The following TLK1 variants were observed in gnomAD, a reference collection of about 807,000 sequenced individuals.
TLK1 encodes serine/threonine-protein kinase tousled-like 1.
TLK1 carries 24 observed loss-of-function variants against 105.3 expected under a neutral mutation model. The ratio of observed to expected loss-of-function variants is 0.23; its 90% CI spans 0.17 to 0.32. The LOEUF (loss-of-function observed/expected upper bound fraction) is 0.32. Among genes scored for constraint, TLK1 ranks in the 10% least tolerant of loss-of-function variants. TLK1 has a pLI of 1.00. For missense variants in TLK1, 558 were observed against 910.5 expected (o/e 0.61, Z 4.98); for synonymous variants, 321 against 310.4 (o/e 1.03, Z -0.36).
chr2:171,055,306 CA>C, intron 6 of TLK1, 134 bp from the exon 7 acceptor site: 1 of 563,134 alleles, frequency 1.8e-6, no homozygotes. Context: ...TAAATTGAAA[CA>C]TAATTGACTT....
chr2:171,162,716 A>G (rs1286557932), upstream of TLK1, among the ~76,000 whole-genome samples: 2 of 152,074 alleles, frequency 1.3e-5, no homozygotes, highest in African/African-American at 4.8e-5. Context: ...TTTCTGTCAT[A>G]TGGGTAGCTT....
At chr2:171,040,455 T>C (rs1686608688) in intron 11 of TLK1, among the ~76,000 whole-genome samples, 1 of 152,206 alleles carries the variant, frequency 6.6e-6, no homozygotes, top group South Asian at 2.1e-4. Context: ...CTGTACTTTC[T>C]GCTCAATTCT....
At chr2:171,148,355 G>C (rs114947887) in intron 1 of TLK1, among the ~76,000 whole-genome samples, 2 of 151,712 alleles carry the variant, frequency 1.3e-5, no homozygotes, top group African/African-American at 4.8e-5. Flanking sequence ...TGTGGTATAG[G>C]GATTAGAAGT....
At chr2:171,152,279 A>C (rs1447753032) in intron 1 of TLK1, among the ~76,000 whole-genome samples, 1 of 152,254 alleles carries the variant, frequency 6.6e-6, no homozygotes, top group African/African-American at 2.4e-5. Flanking sequence ...GAATCTATGT[A>C]GAATATAATC....
At chr2:171,222,428 T>C (rs995607652) in intron 1 of TLK1, among the ~76,000 whole-genome samples, 2 of 152,104 alleles carry the variant, frequency 1.3e-5, no homozygotes, top group African/African-American at 4.8e-5. Context: ...ATCCCCAGGC[T>C]CAAGCCATCC....
At chr2:171,038,617 T>C (rs933756824) in intron 11 of TLK1, among the ~76,000 whole-genome samples, 5 of 152,192 alleles carry the variant, frequency 3.3e-5, no homozygotes, top group African/African-American at 9.6e-5. Flanking sequence ...TTCTAGCTAA[T>C]TGCATTGTGG....
chr2:171,117,770 C>T lies in TLK1; in HGVS notation c.227G>A (p.Gly76Glu), dbSNP rs1261501349. The part of the protein sequence containing the change: ...RFTGVASGST[G>E]STGSCSVGAK... ...TCCAACACTGCAACTGCCCGTACTTCCAGTGCTCCCACTTGCAACTCCAGT... is the reference window on the plus strand; with the variant it reads ...TCCAACACTGCAACTGCCCGTACTTTCAGTGCTCCCACTTGCAACTCCAGT... The change falls in exon 2 of 21, where the codon GGA becomes GAA. Residue 76 changes from glycine (G) to glutamate (E), a missense_variant. Transcript: ENST00000431350. The T allele has an allele frequency of 6.2e-7, 1 of 1,613,956 alleles. No homozygotes were observed. The highest frequency in any genetic ancestry group is 2.2e-5 in the East Asian group (1 of 44,862).
chr2:171,101,793 A>G (rs943939942), intron 2 of TLK1, among the ~76,000 whole-genome samples: 3 of 152,222 alleles, frequency 2.0e-5, no homozygotes, highest in Non-Finnish European at 4.4e-5. Flanking sequence ...CTTCAAAAGA[A>G]TAGGTTTTTT....
At chr2:171,197,428 T>C (rs1162964130) in intron 1 of TLK1, among the ~76,000 whole-genome samples, 2 of 152,122 alleles carry the variant, frequency 1.3e-5, no homozygotes, top group Non-Finnish European at 1.5e-5. Flanking sequence ...AAACATTCAA[T>C]AGTATTCAAT....
intron 1 of TLK1, among the ~76,000 whole-genome samples, chr2:171,147,615 G>T (rs1456528826): frequency 6.6e-6 from 1 of 152,140 alleles, no homozygotes. Flanking sequence ...CTCTGTTTAT[G>T]TGGCAAAGAA....
At chr2:171,097,394 C>T (rs1396263570) in intron 2 of TLK1, among the ~76,000 whole-genome samples, 2 of 152,132 alleles carry the variant, frequency 1.3e-5, no homozygotes, top group East Asian at 1.9e-4. Flanking sequence ...GGAAAAAAAG[C>T]TTGTTGACAT....
Position 171,028,364 on chromosome 2 carries a change from T to C in TLK1, c.1211A>G (p.Lys404Arg), listed in dbSNP as rs1685878724. ...AEYHEQEEIFKLRLGHLKKEE... is the reference protein window; with the variant it reads ...AEYHEQEEIFRLRLGHLKKEE... The stretch of plus-strand genomic sequence containing the variant: ...CTTTTTGAGATGTCCTAGTCTAAGT[T>C]TGAAAATTTCTTCCTGTTCATGATA... The change falls in exon 12 of 21, where the codon AAA becomes AGA. Residue 404 changes from lysine (K) to arginine (R), a missense_variant. Lys to Arg is a conservative substitution (Grantham distance 26). Coordinates refer to ENST00000431350, the MANE Select transcript of TLK1 (RefSeq NM_012290.5). The C allele has an allele frequency of 8.7e-6, 14 of 1,610,768 alleles. No individual in the cohort carries two copies. Among genetic ancestry groups the C allele is most frequent in the Middle Eastern group, 1.6e-4 (1 of 6,068 alleles).
At chr2:171,165,205 T>C (rs770436707), upstream of TLK1, among the ~76,000 whole-genome samples, 2 of 152,212 alleles carry the variant, frequency 1.3e-5, no homozygotes, top group Admixed American at 6.5e-5. Flanking sequence ...GTAGTAAACC[T>C]GCCTAGAAAG....
intron 1 of TLK1, among the ~76,000 whole-genome samples, chr2:171,175,670 A>G (rs1692807611): frequency 6.6e-6 from 1 of 152,118 alleles, no homozygotes; most frequent in South Asian, 2.1e-4. Context: ...GTTACCTCTC[A>G]GTCTTTATCT....
chr2:171,151,470 CTTT>C (rs55670860), intron 1 of TLK1, among the ~76,000 whole-genome samples: 52 of 124,260 alleles, frequency 4.2e-4, no homozygotes, highest in African/African-American at 9.9e-4. Context: ...ATATGTGTAT[CTTT>C]TTTTTTTTTT....
intron 10 of TLK1, among the ~76,000 whole-genome samples, chr2:171,049,212 C>T (rs1461691100): frequency 6.6e-6 from 1 of 152,022 alleles, no homozygotes; most frequent in Non-Finnish European, 1.5e-5. Context: ...CAATTGTACC[C>T]CGAACCTCAG....
intron 12 of TLK1, among the ~76,000 whole-genome samples, chr2:171,023,573 A>T (rs975509470): frequency 6.6e-6 from 1 of 152,182 alleles, no homozygotes; most frequent in African/African-American, 2.4e-5. Context: ...TGAAGACAAG[A>T]AAATAAAGAG....
At chr2:171,072,009 T>C (rs985213158) in intron 3 of TLK1, among the ~76,000 whole-genome samples, 2 of 152,232 alleles carry the variant, frequency 1.3e-5, no homozygotes, top group Admixed American at 1.3e-4. Flanking sequence ...AGCTTTGTAG[T>C]ATAATTTGAA....
At chr2:171,066,998 A>G in intron 3 of TLK1, 2 of 1,508,592 alleles carry the variant, frequency 1.3e-6, no homozygotes, top group Non-Finnish European at 1.8e-6. Flanking sequence ...CTGTGGTCTC[A>G]CAACTTTTGA....
Sources: gnomAD v4.1 joint callset for allele counts (sites outside exome capture counted in the v4.1 genomes callset) on GRCh38, gnomAD v4.1.1 for gene constraint, MANE v1.5 for transcripts, NCBI Gene and HGNC (gene_info 2026-07-23, HGNC 2026-07-21) for gene names.